The following MAP3K5 variants were observed in gnomAD, a reference collection of about 807,000 sequenced individuals.
MAP3K5 encodes ASK-1.
MAP3K5 carries 56 observed loss-of-function variants against 158.7 expected under a neutral mutation model. The observed-to-expected ratio is 0.35, with a 90% CI of 0.28 to 0.44. MAP3K5 has a LOEUF of 0.44. MAP3K5 is among the 20% of genes least tolerant of loss of function. The pLI, the probability that MAP3K5 is intolerant of heterozygous loss-of-function variation, is 1.00. For synonymous variants in MAP3K5, 579 were observed against 601.7 expected, an observed-to-expected ratio of 0.96 and a Z score of 0.55; for missense variants, 1,294 against 1,674.8, an observed-to-expected ratio of 0.77 and a Z score of 3.97.
intron 14 of MAP3K5, among the ~76,000 whole-genome samples, chr6:136,625,314 G>A (rs1776983123): frequency 6.6e-6 from 1 of 152,210 alleles, no homozygotes; most frequent in Non-Finnish European, 1.5e-5. Flanking sequence ...TTAAGAGTGA[G>A]CTGGATTTGA....
intron 11 of MAP3K5, among the ~76,000 whole-genome samples, chr6:136,645,392 G>A (rs866623485): frequency 6.6e-6 from 1 of 152,132 alleles, no homozygotes; most frequent in Non-Finnish European, 1.5e-5. Flanking sequence ...GGCCTTCTGT[G>A]AGTGGCCACT....
intron 11 of MAP3K5, among the ~76,000 whole-genome samples, chr6:136,645,120 CGGG>C (rs1414730863): frequency 4.0e-5 from 6 of 151,890 alleles, no homozygotes; most frequent in Non-Finnish European, 7.4e-5. Flanking sequence ...TTTGTAGAGA[CGGG>C]GGTCTTGCTA....
intron 1 of MAP3K5, among the ~76,000 whole-genome samples, chr6:136,757,579 ATTTTTTATTTT>A (rs1783552802): frequency 8.9e-6 from 1 of 111,958 alleles, no homozygotes; most frequent in African/African-American, 3.2e-5. Flanking sequence ...TTATTTATTT[ATTTTTTATTTT>A]TTTTTTTTTT....
intron 14 of MAP3K5, among the ~76,000 whole-genome samples, chr6:136,625,812 C>T (rs901089832): frequency 6.6e-5 from 10 of 151,550 alleles, no homozygotes; most frequent in Non-Finnish European, 2.9e-5. Context: ...ACATATATGA[C>T]AAATCTCAAT....
intron 7 of MAP3K5, among the ~76,000 whole-genome samples, chr6:136,682,439 T>C (rs906943822): frequency 6.6e-6 from 1 of 152,138 alleles, no homozygotes; most frequent in Non-Finnish European, 1.5e-5. Context: ...GTCTGTTGAT[T>C]AGTTTGTTAT....
intron 25 of MAP3K5, among the ~76,000 whole-genome samples, chr6:136,579,226 T>C (rs77884413): frequency 6.6e-6 from 1 of 152,140 alleles, no homozygotes; most frequent in South Asian, 2.1e-4. Context: ...CATGCATCCA[T>C]GCATCCACCC....
rs1290280832 is a variant in MAP3K5, at chr6:136,615,557, G to A, written c.2151-1271C>T. Among the ~76,000 whole-genome samples, 3 of 152,180 alleles carry A rather than the reference G, an allele frequency of 2.0e-5. No homozygotes were observed. The East Asian group carries it at 5.8e-4, about 29-fold the overall frequency. Reference sequence around the variant, plus strand: ...AACTGCTTAGTTTTGGTTTGGTGATGTGGAACCCTAGCATGGTTCCACAGG... The same window carrying A: ...AACTGCTTAGTTTTGGTTTGGTGATATGGAACCCTAGCATGGTTCCACAGG... On this transcript the variant is annotated intron_variant, in intron 15 of 29. Coordinates refer to ENST00000359015, the MANE Select transcript of MAP3K5 (RefSeq NM_005923.4).
At chr6:136,561,683 C>T in intron 27 of MAP3K5, 38 bp from the exon 28 acceptor site, 1 of 1,156,896 alleles carries the variant, frequency 8.6e-7, no homozygotes, top group Non-Finnish European at 1.3e-6. Context: ...TTAATTTCAC[C>T]TAACAGAGGT....
Position 136,593,514 on chromosome 6 carries a change from A to G in MAP3K5, c.2879-900T>C, listed in dbSNP as rs561032921. On this transcript the variant is annotated intron_variant, in intron 21 of 29. Transcript: ENST00000359015. The stretch of plus-strand genomic sequence containing the variant: ...CACAGTTACTTGCCAGGAGGCTGGG[A>G]AACCCCAGAAGGAAAAGGAAACAGG... 3.1e-3 allele frequency among the ~76,000 whole-genome samples: 467 copies of G among 152,292 alleles called. 3 individuals carry two copies. The highest frequency in any genetic ancestry group is 3.1e-3 in the Non-Finnish European group (214 of 68,018).
chr6:136,631,173 G>A (rs1209813901), intron 14 of MAP3K5, among the ~76,000 whole-genome samples: 1 of 152,136 alleles, frequency 6.6e-6, no homozygotes, highest in Non-Finnish European at 1.5e-5. Flanking sequence ...TAATTTGCAG[G>A]CCCCTGACCA....
chr6:136,791,856 C>T lies in MAP3K5; in HGVS notation c.302G>A (p.Ser101Asn). The change falls in exon 1 of 30, where the codon AGC becomes AAC. Residue 101 changes from serine (S) to asparagine (N), a missense_variant. Physicochemically the swap from Ser to Asn is conservative, Grantham distance 46. This residue lies in a region of MAP3K5 where 690 missense variants were observed against 870.5 expected (regional missense o/e 0.79). Transcript: ENST00000359015. Reference sequence around the variant, plus strand: ...CTCGGCCACCACCAGTTGCCCTTGGCTCGCTTCGTTGATCACATATGCCAC... The same window carrying T: ...CTCGGCCACCACCAGTTGCCCTTGGTTCGCTTCGTTGATCACATATGCCAC... ...TTVAYVINEA[S>N]QGQLVVAESE... 6.2e-7 allele frequency: 1 copy of T among 1,613,854 alleles called. No individual in the cohort carries two copies. The highest frequency in any genetic ancestry group is 1.1e-5 in the South Asian group (1 of 91,080).
intron 1 of MAP3K5, among the ~76,000 whole-genome samples, chr6:136,755,135 T>C (rs1025709988): frequency 5.3e-5 from 8 of 151,966 alleles, no homozygotes; most frequent in Non-Finnish European, 1.0e-4. Context: ...GGCATTCTCT[T>C]ACATGAAAAA....
chr6:136,722,081 T>C (rs1228875389), intron 1 of MAP3K5, among the ~76,000 whole-genome samples: 1 of 152,174 alleles, frequency 6.6e-6, no homozygotes, highest in Non-Finnish European at 1.5e-5. Context: ...AGTAAGAAGA[T>C]ATAATTCTAG....
chr6:136,760,279 T>G (rs1362673953), intron 1 of MAP3K5, among the ~76,000 whole-genome samples: 1 of 152,212 alleles, frequency 6.6e-6, no homozygotes, highest in African/African-American at 2.4e-5. Flanking sequence ...TACAATTTTT[T>G]TTCCTTATAG....
chr6:136,672,429 A>C (rs1779521954), intron 7 of MAP3K5, among the ~76,000 whole-genome samples: 1 of 152,202 alleles, frequency 6.6e-6, no homozygotes, highest in South Asian at 2.1e-4. Flanking sequence ...ATGGGCAGAG[A>C]AACTCTGTCT....
chr6:136,738,607 A>G (rs1038065680), intron 1 of MAP3K5, among the ~76,000 whole-genome samples: 1 of 152,244 alleles, frequency 6.6e-6, no homozygotes, highest in African/African-American at 2.4e-5. Flanking sequence ...CAAAATGCAG[A>G]TCTGGCAAAG....
intron 29 of MAP3K5, 106 bp downstream of exon 29, chr6:136,558,694 T>C (rs1830364361): frequency 2.7e-6 from 2 of 735,654 alleles, no homozygotes; most frequent in Non-Finnish European, 4.8e-6. Flanking sequence ...GAGAGCTCTG[T>C]CCAGAACTAC....
intron 1 of MAP3K5, among the ~76,000 whole-genome samples, chr6:136,736,181 T>C (rs1782452537): frequency 6.6e-6 from 1 of 152,076 alleles, no homozygotes; most frequent in South Asian, 2.1e-4. Context: ...ATCTAAGAAG[T>C]GTGGGTGAGC....
chr6:136,642,051 AAAATAAAATAAAATAAAAT>A lies in MAP3K5; in HGVS notation c.1838+450_1838+468del, dbSNP rs1352955573. ...AAATAAAAATAAAATAAAATAAAATAAAATAAAATAAAATAAAATAAAATAAAATAAAATAAAATAAAAT... is the reference window on the plus strand; with the variant it reads ...AAATAAAAATAAAATAAAATAAAATAAAAATAAAATAAAATAAAATAAAAT... On this transcript the variant is annotated intron_variant, in intron 12 of 29. Coordinates refer to ENST00000359015, the MANE Select transcript of MAP3K5 (RefSeq NM_005923.4). 3.8e-5 allele frequency among the ~76,000 whole-genome samples: 5 copies of A among 132,960 alleles called. 1 individual carries two copies. The highest frequency in any genetic ancestry group is 1.6e-4 in the African/African-American group (5 of 30,514). 87.2% of individuals were successfully genotyped at this position (132,960 alleles called of 152,430 possible).
Sources: allele counts gnomAD v4.1 joint callset (sites outside exome capture counted in the v4.1 genomes callset), GRCh38; gene constraint gnomAD v4.1.1; regional missense constraint gnomAD v4.1.1; transcripts MANE v1.5; gene names NCBI Gene and HGNC (gene_info 2026-07-23, HGNC 2026-07-21).